Variants in XKR9 observed in about 807,000 individuals in gnomAD.
XKR9 encodes XK related 9, also known as XK-related protein 9.
XKR9 carries 32 observed loss-of-function variants against 32.0 expected under a neutral mutation model. The ratio of observed to expected loss-of-function variants is 1.00; its 90% confidence interval spans 0.76 to 1.34. The LOEUF (loss-of-function observed/expected upper bound fraction) is 1.34. Among genes scored for constraint, XKR9 ranks in the 40% most tolerant of loss-of-function variants. The pLI is 0.00. For missense variants in XKR9, 546 were observed against 429.7 expected, an observed-to-expected ratio of 1.27 and a Z score of -2.39; for synonymous variants, 168 against 143.4, an observed-to-expected ratio of 1.17 and a Z score of -1.22.
At chr8:71,029,100 G>A in the XKR9 span, among the ~76,000 whole-genome samples, 6 of 152,142 alleles carry the variant, frequency 3.9e-5, no homozygotes, top group African/African-American at 1.4e-4. Flanking sequence ...TTCTGTGGCA[G>A]CAGGAACGGG....
the XKR9 span, among the ~76,000 whole-genome samples, chr8:70,888,050 G>A: frequency 6.6e-6 from 1 of 151,890 alleles, no homozygotes; most frequent in Non-Finnish European, 1.5e-5. Context: ...GTATGATATT[G>A]GCCTCTTTGT....
chr8:70,736,287 T>C (rs1422133054), downstream of XKR9, among the ~76,000 whole-genome samples: 4 of 150,896 alleles, frequency 2.7e-5, no homozygotes, highest in Admixed American at 2.0e-4. Flanking sequence ...TGTCTGTTCA[T>C]GTCCTTCGCC....
At chr8:71,021,949 G>C in the XKR9 span, among the ~76,000 whole-genome samples, 8 of 152,168 alleles carry the variant, frequency 5.3e-5, no homozygotes, top group African/African-American at 1.9e-4. Flanking sequence ...TTTTCTTCTA[G>C]GATTCTTATA....
the XKR9 span, among the ~76,000 whole-genome samples, chr8:70,802,337 T>C: frequency 6.6e-6 from 1 of 152,212 alleles, no homozygotes; most frequent in South Asian, 2.1e-4. Flanking sequence ...TTGGTAGATT[T>C]TTCTCTTTCC....
chr8:70,924,471 A>T, the XKR9 span, among the ~76,000 whole-genome samples: 1 of 152,136 alleles, frequency 6.6e-6, no homozygotes, highest in African/African-American at 2.4e-5. Context: ...AAACTCCTTC[A>T]TCCTCTAACT....
chr8:70,970,936 G>A, the XKR9 span, among the ~76,000 whole-genome samples: 31 of 152,234 alleles, frequency 2.0e-4, no homozygotes, highest in East Asian at 1.4e-3. Context: ...CCATTTGACC[G>A]AGCAATCCCA....
At chr8:70,956,458 A>C in the XKR9 span, among the ~76,000 whole-genome samples, 2 of 152,132 alleles carry the variant, frequency 1.3e-5, no homozygotes, top group East Asian at 3.9e-4. Context: ...GTCATCAGTG[A>C]AGTTCTTACT....
the XKR9 span, among the ~76,000 whole-genome samples, chr8:70,814,846 C>T: frequency 6.6e-6 from 1 of 152,124 alleles, no homozygotes; most frequent in Non-Finnish European, 1.5e-5. Flanking sequence ...GTCTAGAAAA[C>T]CCTAGAGAGT....
the XKR9 span, among the ~76,000 whole-genome samples, chr8:70,966,892 T>C: frequency 6.6e-6 from 1 of 152,140 alleles, no homozygotes; most frequent in Non-Finnish European, 1.5e-5. Context: ...TTTGTCTTTT[T>C]TGATCTTTGT....
chr8:70,873,947 C>T, the XKR9 span, among the ~76,000 whole-genome samples: 5 of 152,234 alleles, frequency 3.3e-5, no homozygotes, highest in African/African-American at 1.2e-4. Flanking sequence ...TCCCAATCTC[C>T]AGCAACCCCC....
At chr8:70,790,376 A>G (rs1807749588), downstream of XKR9, 1 of 152,036 alleles carries the variant, frequency 6.6e-6, no homozygotes, top group African/African-American at 2.4e-5. Context: ...CATATTTTTA[A>G]TTGTCTAAAA....
the XKR9 span, among the ~76,000 whole-genome samples, chr8:70,998,438 C>T: frequency 2.6e-5 from 4 of 152,208 alleles, no homozygotes; most frequent in East Asian, 1.9e-4. Context: ...GATGGTTTGC[C>T]GCTCTCTCCC....
intron 2 of XKR9, among the ~76,000 whole-genome samples, chr8:70,761,449 C>G (rs2130209052): frequency 6.6e-6 from 1 of 152,250 alleles, no homozygotes; most frequent in East Asian, 1.9e-4. Context: ...TTGCATTTCT[C>G]TAATGATCAG....
At chr8:70,948,090 A>G in the XKR9 span, among the ~76,000 whole-genome samples, 2 of 152,198 alleles carry the variant, frequency 1.3e-5, no homozygotes, top group African/African-American at 4.8e-5. Flanking sequence ...GTAAGATGAA[A>G]GCTCCTGCCC....
At chr8:70,943,684 A>C in the XKR9 span, among the ~76,000 whole-genome samples, 1 of 152,226 alleles carries the variant, frequency 6.6e-6, no homozygotes, top group Middle Eastern at 3.4e-3. Flanking sequence ...AGAAATTCTA[A>C]GTAAAGCTTC....
chr8:70,955,621 C>G, the XKR9 span, among the ~76,000 whole-genome samples: 3 of 152,236 alleles, frequency 2.0e-5, no homozygotes, highest in Non-Finnish European at 1.5e-5. Context: ...CATCTGGAAA[C>G]CTGTGGGGCC....
the XKR9 span, among the ~76,000 whole-genome samples, chr8:70,902,572 G>T: frequency 1.3e-5 from 2 of 152,068 alleles, no homozygotes; most frequent in Non-Finnish European, 2.9e-5. Context: ...ATGGGGTTTT[G>T]TAAATATACA....
At position 70,734,269 on chromosome 8, in the gene XKR9, A is replaced by G. The variant is rs115479275; in HGVS notation, c.967A>G (p.Ile323Val). Reference sequence around the variant, plus strand: ...TCCAGACTATTTTATACCTATCAGTATAACTATAGTTCTTACTCTTCTTCT... The same window carrying G: ...TCCAGACTATTTTATACCTATCAGTGTAACTATAGTTCTTACTCTTCTTCT... ...FNPDYFIPIS[I>V]TIVLTLLLGI... The change falls in exon 5 of 5, where the codon ATA (isoleucine) becomes GTA (valine). Residue 323 changes from isoleucine to valine, a missense_variant. Ile to Val is a conservative substitution (Grantham distance 29). Transcript: ENST00000408926. The G allele has an allele frequency of 2.1e-3, 3,461 of 1,612,762 alleles. 9 individuals carry two copies. Among genetic ancestry groups the G allele is most frequent in the Non-Finnish European group, 2.7e-3 (3,171 of 1,179,264 alleles).
chr8:70,877,034 G>A, the XKR9 span, among the ~76,000 whole-genome samples: 15 of 152,128 alleles, frequency 9.9e-5, no homozygotes, highest in Non-Finnish European at 2.1e-4. Context: ...AATTTATAAA[G>A]GAAAGAGGTT....
Sources: gnomAD v4.1 joint callset for allele counts (sites outside exome capture counted in the v4.1 genomes callset) on GRCh38, gnomAD v4.1.1 for gene constraint, MANE v1.5 for transcripts, NCBI Gene and HGNC (gene_info 2026-07-23, HGNC 2026-07-21) for gene names.